The following DNAH9 variants were observed in gnomAD, a reference collection of about 807,000 sequenced individuals.
DNAH9 encodes the protein DNAH9 variant protein.
In DNAH9, 345 loss-of-function variants were observed where a neutral mutation model predicts 471.6. The observed-to-expected ratio is 0.73, with a 90% CI of 0.67 to 0.80. The LOEUF (loss-of-function observed/expected upper bound fraction) is 0.80, where lower values mean the gene tolerates loss of function less well. DNAH9 is among the 30% of genes least tolerant of loss of function. The pLI is 0.00. For missense variants in DNAH9, 5,407 were observed against 5,609.2 expected (o/e 0.96, Z 1.15); for synonymous variants, 2,093 against 2,123.6 (o/e 0.99, Z 0.40).
intron 50 of DNAH9, among the ~76,000 whole-genome samples, chr17:11,863,906 C>T (rs1299210398): frequency 6.6e-6 from 1 of 151,944 alleles, no homozygotes; most frequent in African/African-American, 2.4e-5. Flanking sequence ...TTTGATTCTT[C>T]TCTCCTTTTT....
At chr17:11,794,073 C>G (rs929531964) in intron 42 of DNAH9, among the ~76,000 whole-genome samples, 16 of 107,586 alleles carry the variant, frequency 1.5e-4, no homozygotes, top group Non-Finnish European at 2.6e-4. Context: ...GAGACAGAGT[C>G]TTGCTCTTTC....
chr17:11,928,882 T>C (rs1405678894), intron 62 of DNAH9, among the ~76,000 whole-genome samples: 1 of 152,204 alleles, frequency 6.6e-6, no homozygotes, highest in Non-Finnish European at 1.5e-5. Flanking sequence ...GGGCAGGACC[T>C]TAGATTCTGC....
chr17:11,712,413 G>A (rs995429867), intron 26 of DNAH9, among the ~76,000 whole-genome samples: 31 of 151,824 alleles, frequency 2.0e-4, no homozygotes, highest in African/African-American at 6.5e-4. Context: ...TCTTTGTGTG[G>A]ACATGTTTTC....
Position 11,604,812 on chromosome 17 carries a change from C to T in DNAH9, c.418-3317C>T, listed in dbSNP as rs1054131851. Among the ~76,000 whole-genome samples the T allele has an allele frequency of 9.2e-5, 14 of 152,258 alleles. 1 individual carries two copies. In the South Asian group the frequency reaches 2.1e-3, roughly 23 times the overall value. On this transcript the variant is annotated intron_variant, in intron 1 of 68. Coordinates refer to ENST00000262442, the MANE Select transcript of DNAH9 (RefSeq NM_001372.4). ...ACCATCTCCCCCACTACCCACTGTG[C>T]CACACCACCGTCTTCTGTATTATAG...
At chr17:11,834,050 C>T (rs529008257) in intron 48 of DNAH9, among the ~76,000 whole-genome samples, 154 of 151,120 alleles carry the variant, frequency 1.0e-3, no homozygotes, top group Non-Finnish European at 2.1e-3. Context: ...AGGTCAGGGC[C>T]GGGTGTGGTG....
At chr17:11,615,870 G>A (rs34410297) in intron 4 of DNAH9, among the ~76,000 whole-genome samples, 14,892 of 152,120 alleles carry the variant, frequency 0.098, 1,379 homozygotes, top group African/African-American at 0.24. Context: ...TCATTAGAAT[G>A]ACTGTTGGAT....
Position 11,942,299 on chromosome 17 carries a change from G to A in DNAH9, c.12661-4G>A. The A allele has an allele frequency of 1.2e-6, 2 of 1,613,168 alleles. No individual in the cohort carries two copies. The highest frequency in any genetic ancestry group is 1.7e-6 in the Non-Finnish European group (2 of 1,179,414). ...TTAACGCTGTGTTTCCTTCTGTGGG[G>A]CAGGTCAAGGCACTTCTGGAAGAAA... On this transcript the variant is annotated splice_polypyrimidine_tract_variant and splice_region_variant and intron_variant, in intron 66 of 68. Transcript: ENST00000262442.
chr17:11,646,932 T>A, intron 11 of DNAH9, 140 bp from the exon 12 acceptor site: 1 of 674,202 alleles, frequency 1.5e-6, no homozygotes, highest in African/African-American at 1.8e-5. Flanking sequence ...AGAAAGAAAT[T>A]TGTGGTTACT....
At chr17:11,745,861 G>T (rs2075515665) in intron 31 of DNAH9, among the ~76,000 whole-genome samples, 1 of 151,488 alleles carries the variant, frequency 6.6e-6, no homozygotes, top group Admixed American at 6.6e-5. Context: ...ATTATGTATT[G>T]TGTGTGTGTG....
chr17:11,748,556 A>C (rs1966998823), intron 32 of DNAH9, among the ~76,000 whole-genome samples: 1 of 152,158 alleles, frequency 6.6e-6, no homozygotes, highest in Non-Finnish European at 1.5e-5. Context: ...GCTGCATGCT[A>C]CAGAACCTTG....
chr17:11,603,023 C>G (rs1200965259), intron 1 of DNAH9, among the ~76,000 whole-genome samples: 1 of 152,178 alleles, frequency 6.6e-6, no homozygotes, highest in African/African-American at 2.4e-5. Context: ...TCATCATACC[C>G]TTGCATCAGC....
chr17:11,704,975 A>T, intron 25 of DNAH9, 50 bp from the exon 26 acceptor site: 1 of 1,528,420 alleles, frequency 6.5e-7, no homozygotes, highest in Non-Finnish European at 9.0e-7. Context: ...TGGCCAAGGG[A>T]CTACCTGCTG....
At chr17:11,878,785 T>C (rs1263870829) in intron 53 of DNAH9, among the ~76,000 whole-genome samples, 1 of 151,958 alleles carries the variant, frequency 6.6e-6, no homozygotes, top group Non-Finnish European at 1.5e-5. Context: ...AAACTCCTGG[T>C]CTCAATCTCC....
At chr17:11,610,276 G>A in intron 2 of DNAH9, 120 bp from the exon 3 acceptor site, 1 of 778,492 alleles carries the variant, frequency 1.3e-6, no homozygotes, top group Non-Finnish European at 2.0e-6. Context: ...TGGGCTAGAT[G>A]AAATTTCTCA....
At chr17:11,757,403 C>T (rs1967443757) in intron 34 of DNAH9, 142 bp from the exon 35 acceptor site, 2 of 716,438 alleles carry the variant, frequency 2.8e-6, no homozygotes, top group South Asian at 2.0e-5. Flanking sequence ...ACCCATTTAC[C>T]CGCTCACATC....
At chr17:11,816,773 T>C (rs1197041160) in intron 45 of DNAH9, among the ~76,000 whole-genome samples, 2 of 152,248 alleles carry the variant, frequency 1.3e-5, no homozygotes, top group Non-Finnish European at 2.9e-5. Flanking sequence ...TGGTGAATAG[T>C]CTGGCTTCCA....
intron 33 of DNAH9, 135 bp from the exon 34 acceptor site, chr17:11,756,433 G>C: frequency 1.5e-6 from 1 of 657,330 alleles, no homozygotes; most frequent in East Asian, 2.6e-5. Context: ...ATTTGGGTGG[G>C]GACACAGCCA....
At chr17:11,670,371 C>T (rs1033010760) in intron 17 of DNAH9, among the ~76,000 whole-genome samples, 1 of 152,168 alleles carries the variant, frequency 6.6e-6, no homozygotes, top group African/African-American at 2.4e-5. Context: ...AGTCAACAGT[C>T]CCCCGGTCAC....
intron 67 of DNAH9, among the ~76,000 whole-genome samples, chr17:11,959,004 A>G (rs756400233): frequency 8.5e-5 from 13 of 152,102 alleles, no homozygotes; most frequent in Non-Finnish European, 1.6e-4. Context: ...AGTTTACCAT[A>G]TTAATGTGCT....
Sources: allele counts gnomAD v4.1 joint callset (sites outside exome capture counted in the v4.1 genomes callset), GRCh38; gene constraint gnomAD v4.1.1; transcripts MANE v1.5; gene names NCBI Gene and HGNC (gene_info 2026-07-23, HGNC 2026-07-21).